Variants in SCP2 observed in about 807,000 individuals in gnomAD.
SCP2 encodes the protein sterol carrier protein 2.
SCP2 carries 48 observed loss-of-function variants against 71.4 expected under a neutral mutation model. That is an observed-to-expected ratio of 0.67 (90% CI 0.53 to 0.86). SCP2 has a LOEUF of 0.86. Ranked by LOEUF, SCP2 falls within the 40% of genes least tolerant of loss-of-function variation. SCP2 has a pLI of 0.00. For synonymous variants in SCP2, 220 were observed against 218.1 expected (o/e 1.01, Z -0.08); for missense variants, 560 against 655.6 (o/e 0.85, Z 1.59).
At chr1:52,937,078 G>T (rs771345593) in intron 1 of SCP2, among the ~76,000 whole-genome samples, 3 of 151,988 alleles carry the variant, frequency 2.0e-5, no homozygotes, top group Non-Finnish European at 4.4e-5. Flanking sequence ...ATTCTGCTAT[G>T]TAAGAAGGGT....
At chr1:52,989,072 CCTAT>C (rs1211390081) in intron 11 of SCP2, among the ~76,000 whole-genome samples, 1 of 152,180 alleles carries the variant, frequency 6.6e-6, no homozygotes, top group Non-Finnish European at 1.5e-5. Context: ...TTTACAGCTG[CCTAT>C]CTATTTACCT....
chr1:52,985,031 C>T (rs568978514), intron 10 of SCP2, among the ~76,000 whole-genome samples: 76 of 151,488 alleles, frequency 5.0e-4, no homozygotes, highest in African/African-American at 1.8e-3. Context: ...TTAGTAGAGA[C>T]GGGATTTCAC....
At chr1:52,960,380 A>G (rs1488547466) in intron 5 of SCP2, among the ~76,000 whole-genome samples, 1 of 151,476 alleles carries the variant, frequency 6.6e-6, no homozygotes, top group Non-Finnish European at 1.5e-5. Context: ...TATGTTGCCC[A>G]TGCTGGTCTC....
intron 13 of SCP2, among the ~76,000 whole-genome samples, chr1:53,031,793 A>C (rs1254150372): frequency 2.6e-5 from 4 of 152,254 alleles, no homozygotes; most frequent in African/African-American, 9.6e-5. Context: ...TCTGAAAAGT[A>C]GCAGCAAGTG....
At chr1:52,993,904 CA>C in intron 11 of SCP2, 1 of 1,423,116 alleles carries the variant, frequency 7.0e-7, no homozygotes, top group Non-Finnish European at 9.2e-7. Context: ...GACACCACTG[CA>C]AATCTTCAGC....
chr1:52,978,016 T>G (rs1393898837), intron 8 of SCP2, among the ~76,000 whole-genome samples: 21 of 151,982 alleles, frequency 1.4e-4, no homozygotes, highest in Non-Finnish European at 7.4e-5. Context: ...AAGTAGTGAT[T>G]GACAACATTT....
In SCP2 at chr1:53,051,610, CCT is replaced by C. The variant is rs1403546771; in HGVS notation, c.*911_*912del. The C allele has an allele frequency of 4.0e-5, 6 of 150,240 alleles. No individual in the cohort carries two copies. Among genetic ancestry groups the C allele is most frequent in the African/African-American group, 1.2e-4 (5 of 40,434 alleles). The allele number at this position is 150,240 out of a possible 1,614,324, so 9.3% of individuals were successfully genotyped here. A position where few individuals can be genotyped will look rare whatever the true frequency, so the allele number is the denominator to read the frequency against. The stretch of plus-strand genomic sequence containing the variant: ...AGAAAATTAAAATAACTTTTTCTGG[CCT>C]CTCTTGTTTTTACTGTGTATGTTCT... On this transcript the variant is annotated 3_prime_UTR_variant, in exon 16 of 16. Coordinates refer to ENST00000371514, the MANE Select transcript of SCP2 (RefSeq NM_002979.5).
At chr1:52,995,178 C>T (rs994453458) in intron 11 of SCP2, 10 of 493,454 alleles carry the variant, frequency 2.0e-5, no homozygotes, top group African/African-American at 2.0e-4. Context: ...TCAGCAAGAT[C>T]CGAGAAGAGT....
intron 1 of SCP2, among the ~76,000 whole-genome samples, chr1:52,928,958 T>C (rs1402871791): frequency 6.6e-6 from 1 of 152,096 alleles, no homozygotes; most frequent in Non-Finnish European, 1.5e-5. Context: ...TTATATGTGC[T>C]GTATGGAAAA....
At chr1:52,964,577 A>G (rs935919483) in intron 6 of SCP2, among the ~76,000 whole-genome samples, 1 of 152,196 alleles carries the variant, frequency 6.6e-6, no homozygotes, top group Non-Finnish European at 1.5e-5. Context: ...TATTTTGTTT[A>G]GAAGTAATTT....
intron 4 of SCP2, 57 bp downstream of exon 4, chr1:52,950,943 C>T: frequency 6.6e-7 from 1 of 1,519,664 alleles, no homozygotes; most frequent in Non-Finnish European, 9.1e-7. Flanking sequence ...CATTTAATCA[C>T]ACGACCATCA....
intron 1 of SCP2, 41 bp downstream of exon 1, chr1:52,927,506 G>A (rs1279950642): frequency 7.4e-6 from 11 of 1,490,346 alleles, no homozygotes; most frequent in Non-Finnish European, 9.2e-6. Context: ...TGAGGCTCGG[G>A]GGCGGTCGGT....
chr1:53,012,922 G>A (rs1661074391), intron 11 of SCP2, among the ~76,000 whole-genome samples: 2 of 152,222 alleles, frequency 1.3e-5, no homozygotes, highest in South Asian at 2.1e-4. Flanking sequence ...AACTAGCAGC[G>A]TATCTAAGAC....
At chr1:53,006,990 G>T (rs1660681033) in intron 11 of SCP2, among the ~76,000 whole-genome samples, 1 of 152,114 alleles carries the variant, frequency 6.6e-6, no homozygotes, top group Non-Finnish European at 1.5e-5. Flanking sequence ...CCTAGTCTCT[G>T]ATAAAACAGA....
At chr1:53,047,722 A>C in intron 14 of SCP2, 136 bp from the exon 15 acceptor site, 5 of 687,108 alleles carry the variant, frequency 7.3e-6, no homozygotes, top group Non-Finnish European at 5.4e-6. Flanking sequence ...CCATAGAAGT[A>C]TATGTGAGTG....
At chr1:52,974,982 A>G (rs2150163774) in intron 7 of SCP2, 150 bp downstream of exon 7, 3 of 624,154 alleles carry the variant, frequency 4.8e-6, no homozygotes, top group Middle Eastern at 4.4e-4. Context: ...TACGCAAGTA[A>G]ACTTTTGACA....
chr1:53,029,622 C>T (rs1259407376), intron 13 of SCP2, among the ~76,000 whole-genome samples: 2 of 152,182 alleles, frequency 1.3e-5, no homozygotes, highest in African/African-American at 2.4e-5. Context: ...TATTGTAGGC[C>T]AGAGGACTAC....
Position 53,050,645 on chromosome 1 carries a change from A to C in SCP2, c.1585A>C (p.Met529Leu). 1.9e-6 allele frequency: 3 copies of C among 1,613,702 alleles called. No homozygotes were observed. The highest frequency in any genetic ancestry group is 2.5e-6 in the Non-Finnish European group (3 of 1,179,674). The change falls in exon 16 of 16, where the codon ATG (methionine) becomes CTG (leucine). Residue 529 changes from methionine to leucine, a missense_variant. Coordinates refer to ENST00000371514, the MANE Select transcript of SCP2 (RefSeq NM_002979.5). Reference protein sequence around the residue: ...FQGKLKITGNMGLAMKLQNLQ... With the variant: ...FQGKLKITGNLGLAMKLQNLQ... ...AGGCAAATTGAAAATCACTGGCAAC[A>C]TGGGTCTCGCTATGAAGTTACAAAA...
At chr1:53,037,902 A>G (rs867891334) in intron 13 of SCP2, among the ~76,000 whole-genome samples, 121 of 108,484 alleles carry the variant, frequency 1.1e-3, no homozygotes, top group African/African-American at 5.2e-3. Flanking sequence ...ACACACACAC[A>G]CACACACACA....
Sources: gnomAD v4.1 joint callset for allele counts (sites outside exome capture counted in the v4.1 genomes callset) on GRCh38, gnomAD v4.1.1 for gene constraint, MANE v1.5 for transcripts, NCBI Gene and HGNC (gene_info 2026-07-23, HGNC 2026-07-21) for gene names.